The following CLK4 variants were observed in gnomAD, a reference collection of about 807,000 sequenced individuals.
CLK4 encodes CDC like kinase 4, also known as dual specificity protein kinase CLK4.
Under a neutral mutation model 64.4 loss-of-function variants are expected in CLK4, and 37 were observed. The observed-to-expected ratio is 0.57, with a 90% confidence interval of 0.44 to 0.76. The LOEUF is 0.76. Ranked by LOEUF, CLK4 falls within the 30% of genes least tolerant of loss-of-function variation. CLK4 has a pLI of 0.00. For synonymous variants in CLK4, 175 were observed against 191.6 expected (o/e 0.91, Z 0.72); for missense variants, 457 against 605.1 (o/e 0.76, Z 2.57).
intron 1 of CLK4, among the ~76,000 whole-genome samples, chr5:178,624,902 C>T (rs1418973653): frequency 6.6e-6 from 1 of 152,154 alleles, no homozygotes; most frequent in African/African-American, 2.4e-5. Context: ...CTGATTGCCA[C>T]CAGATAGTCA....
At position 178,605,227 on chromosome 5, in the gene CLK4, A is replaced by C. The variant is rs1581703473; in HGVS notation, c.1214+76T>G. On this transcript the variant is annotated intron_variant, in intron 11 of 12. Transcript: ENST00000316308. ...TATAGTCCTTGGAATCAGTATTACA[A>C]CAACGTTGGGTTTTCTGTAGTTTGA... 2.5e-5 allele frequency: 22 copies of C among 862,922 alleles called. No homozygotes were observed. The East Asian group carries it at 6.4e-4, about 25-fold the overall frequency. The allele number at this position is 862,922 out of a possible 1,614,324, so 53.5% of individuals were successfully genotyped here.
chr5:178,616,058 TC>T (rs1473974407), intron 5 of CLK4, among the ~76,000 whole-genome samples: 3 of 152,192 alleles, frequency 2.0e-5, no homozygotes, highest in African/African-American at 4.8e-5. Flanking sequence ...TTCAATGATT[TC>T]CCCCTGTTGA....
chr5:178,613,737 T>A lies in CLK4; in HGVS notation c.649A>T (p.Asn217Tyr), dbSNP rs1334610045. 6.2e-7 allele frequency: 1 copy of A among 1,612,486 alleles called. No individual in the cohort carries two copies. Among genetic ancestry groups the A allele is most frequent in the Non-Finnish European group, 8.5e-7 (1 of 1,178,700 alleles). The change falls in exon 6 of 13, where the codon AAT becomes TAT. Residue 217 changes from asparagine to tyrosine, a missense_variant. Asn to Tyr is a moderately radical substitution (Grantham distance 143, BLOSUM62 -2). Coordinates refer to ENST00000316308, the MANE Select transcript of CLK4 (RefSeq NM_020666.3). ...VLEHLNSTDPNSVFRCVQMLE... is the reference protein window; with the variant it reads ...VLEHLNSTDPYSVFRCVQMLE... ...GAAAGTTATACTTACAAGACACTAT[T>A]GGGATCAGTACTATTTAAGTGCTCT... is the stretch of plus-strand genomic sequence containing the variant.
intron 9 of CLK4, among the ~76,000 whole-genome samples, chr5:178,611,692 A>C (rs1230327912): frequency 6.6e-6 from 1 of 152,202 alleles, no homozygotes; most frequent in Non-Finnish European, 1.5e-5. Flanking sequence ...AAAAAGTAAA[A>C]AGTATTAAAA....
intron 9 of CLK4, among the ~76,000 whole-genome samples, chr5:178,609,763 G>T (rs1312843839): frequency 6.8e-6 from 1 of 147,958 alleles, no homozygotes; most frequent in Non-Finnish European, 1.5e-5. Context: ...ATATAAATTA[G>T]TTGGGTGTGG....
Position 178,603,714 on chromosome 5 carries a change from TCAAA to T in CLK4, c.1345_1348del (p.Phe449ThrfsTer7). The stretch of plus-strand genomic sequence containing the variant: ...ATATTCTAACATTCTTCGAACCAGG[TCAAA>T]CAGTTTCTCATGTTCTTCATCATGA... On this transcript the variant is annotated frameshift_variant, in exon 13 of 13. Coordinates refer to ENST00000316308, the MANE Select transcript of CLK4 (RefSeq NM_020666.3). LOFTEE classifies it high-confidence loss of function. 6.2e-7 allele frequency: 1 copy of T among 1,603,772 alleles called. No homozygotes were observed. The highest frequency in any genetic ancestry group is 8.5e-7 in the Non-Finnish European group (1 of 1,176,902).
At position 178,613,637 on chromosome 5, in the gene CLK4, C is replaced by T. The variant is rs759261483; in HGVS notation, c.662G>A (p.Arg221Gln). The T allele has an allele frequency of 2.5e-6, 4 of 1,605,998 alleles. No homozygotes were observed. In the South Asian group the frequency reaches 3.3e-5, roughly 13 times the overall value. The change falls in exon 7 of 13, where the codon CGA becomes CAA. Residue 221 changes from arginine to glutamine, a missense_variant and splice_region_variant. Arg to Gln is a conservative substitution (Grantham distance 43). Transcript: ENST00000316308. ...AAACCATTCTAGCATCTGGACACAT[C>T]GGCTAAAACAGAGCAAAATAATAAT... ...LNSTDPNSVF[R>Q]CVQMLEWFDH...
intron 10 of CLK4, among the ~76,000 whole-genome samples, chr5:178,607,529 T>TG (rs1258953358): frequency 6.8e-6 from 1 of 147,732 alleles, no homozygotes; most frequent in Non-Finnish European, 1.5e-5. Flanking sequence ...TTTTTTTTTT[T>TG]GCAACAGAGT....
chr5:178,604,020 C>G (rs1394367234), intron 11 of CLK4, 86 bp from the exon 12 acceptor site: 1 of 967,164 alleles, frequency 1.0e-6, no homozygotes, highest in African/African-American at 1.7e-5. Context: ...ACATGGAAAG[C>G]AGCTCTCTCT....
chr5:178,616,116 A>AT (rs1764623564), intron 5 of CLK4, among the ~76,000 whole-genome samples: 1 of 151,224 alleles, frequency 6.6e-6, no homozygotes, highest in Admixed American at 6.6e-5. Flanking sequence ...TTTGAGACGG[A>AT]TTTTCACTCG....
At position 178,613,782 on chromosome 5, in the gene CLK4, G is replaced by T; in HGVS notation, c.604C>A (p.Arg202Ser). Residue 202 changes from arginine to serine, a missense_variant, in exon 6 of 13, where the codon CGT becomes AGT. Physicochemically the swap from Arg to Ser is moderately radical, Grantham distance 110 (BLOSUM62 -1). Transcript: ENST00000316308. ...KNVGRYREAA[R>S]SEIQVLEHLN... Reference sequence around the variant, plus strand: ...TGCTCTAATACTTGGATTTCTGAACGAGCTGCTTCACGGTAACGGCCTACA... The same window carrying T: ...TGCTCTAATACTTGGATTTCTGAACTAGCTGCTTCACGGTAACGGCCTACA... 6.2e-7 allele frequency: 1 copy of T among 1,614,096 alleles called. No individual in the cohort carries two copies. The highest frequency in any genetic ancestry group is 1.6e-4 in the Middle Eastern group (1 of 6,062).
intron 2 of CLK4, among the ~76,000 whole-genome samples, chr5:178,621,113 C>T (rs1252235167): frequency 6.6e-6 from 1 of 152,116 alleles, no homozygotes; most frequent in African/African-American, 2.4e-5. Context: ...ATTAAAAACC[C>T]TGCGTGCTAG....
chr5:178,623,880 C>A (rs539812627), intron 1 of CLK4, among the ~76,000 whole-genome samples: 2 of 152,258 alleles, frequency 1.3e-5, no homozygotes, highest in East Asian at 3.9e-4. Flanking sequence ...AAGTTATTGA[C>A]ATATTTTCTT....
intron 11 of CLK4, chr5:178,604,338 A>G (rs1465851520): frequency 6.5e-6 from 1 of 154,490 alleles, no homozygotes; most frequent in Non-Finnish European, 1.4e-5. Context: ...AGGACAGAAT[A>G]AATTTCACAC....
chr5:178,605,437 T>A, intron 10 of CLK4, 55 bp from the exon 11 acceptor site: 1 of 1,028,936 alleles, frequency 9.7e-7, no homozygotes. Context: ...ACAAACACAT[T>A]AACTTGTTTA....
At chr5:178,619,619 C>G in intron 2 of CLK4, 2 of 285,334 alleles carry the variant, frequency 7.0e-6, no homozygotes, top group Non-Finnish European at 1.4e-5. Context: ...CAGAAAACAC[C>G]ATCATCTAGT....
At chr5:178,604,660 A>C (rs1386942525) in intron 11 of CLK4, 1 of 151,868 alleles carries the variant, frequency 6.6e-6, no homozygotes, top group African/African-American at 2.4e-5. Flanking sequence ...CGCAGTTCAC[A>C]ATAGGGTTCA....
Position 178,613,851 on chromosome 5 carries a change from ATAAAAT to A in CLK4, c.543-14_543-9del. On this transcript the variant is annotated splice_polypyrimidine_tract_variant and intron_variant, in intron 5 of 12. Transcript: ENST00000316308. ...GCTACATGCATGCCATCCCTTAAAA[ATAAAAT>A]TAAGATAAAAATGATAAATGTACAA... 1 of 1,600,608 alleles carries A rather than the reference ATAAAAT, an allele frequency of 6.2e-7. No homozygotes were observed. Among genetic ancestry groups the A allele is most frequent in the South Asian group, 1.1e-5 (1 of 90,706 alleles).
rs115438341 is a variant in CLK4 at position 178,616,134 on chromosome 5, G to C, written c.542+748C>G. 7.3e-3 allele frequency among the ~76,000 whole-genome samples: 1,107 copies of C among 151,804 alleles called. 14 individuals are homozygous for C. The highest frequency in any genetic ancestry group is 0.026 in the African/African-American group (1,057 of 41,348). Reference sequence around the variant, plus strand: ...GAGACGGATTTTCACTCGTTGCCTAGGCTGGAGTGCAATGGCACAATCTTG... The same window carrying C: ...GAGACGGATTTTCACTCGTTGCCTACGCTGGAGTGCAATGGCACAATCTTG... On this transcript the variant is annotated intron_variant, in intron 5 of 12. Transcript: ENST00000316308.
Sources: allele counts gnomAD v4.1 joint callset (sites outside exome capture counted in the v4.1 genomes callset), GRCh38; gene constraint gnomAD v4.1.1; transcripts MANE v1.5; gene names NCBI Gene and HGNC (gene_info 2026-07-23, HGNC 2026-07-21).